Variants in SDK1 observed in about 807,000 individuals in gnomAD.
SDK1 encodes the protein sidekick cell adhesion molecule 1.
A neutral mutation model predicts 245.5 loss-of-function variants in SDK1; 157 were observed. That is an observed-to-expected ratio of 0.64 (90% confidence interval 0.56 to 0.73). The LOEUF is 0.73. Among genes scored for constraint, SDK1 ranks in the 30% least tolerant of loss-of-function variants. SDK1 has a pLI of 0.00. For synonymous variants in SDK1, 1,647 were observed against 1,278.5 expected, an observed-to-expected ratio of 1.29 and a Z score of -6.15; for missense variants, 3,583 against 3,002.3, an observed-to-expected ratio of 1.19 and a Z score of -4.52.
intron 35 of SDK1, among the ~76,000 whole-genome samples, chr7:4,197,535 A>G (rs1783654578): frequency 6.6e-6 from 1 of 152,160 alleles, no homozygotes; most frequent in African/African-American, 2.4e-5. Context: ...GAGAAAAAGA[A>G]TGGATGCTTC....
At chr7:3,800,400 G>A (rs553782291) in intron 4 of SDK1, among the ~76,000 whole-genome samples, 6 of 129,228 alleles carry the variant, frequency 4.6e-5, no homozygotes, top group African/African-American at 1.9e-4. Flanking sequence ...TTTATTTATT[G>A]AGACAGAGTC....
chr7:4,206,676 C>T (rs57890668), intron 36 of SDK1, among the ~76,000 whole-genome samples: 3,626 of 152,220 alleles, frequency 0.024, 59 homozygotes, highest in South Asian at 0.067. Flanking sequence ...CTCCACGTCC[C>T]ATCCCTGAGG....
rs1348501550 is a variant in SDK1, at chr7:3,633,672, C to T, written c.459-5332C>T. 3.9e-5 allele frequency among the ~76,000 whole-genome samples: 6 copies of T among 152,174 alleles called. No individual in the cohort carries two copies. The South Asian group carries it at 1.2e-3, about 32-fold the overall frequency. ...TAGGTTTTGCTATGACCGTGGTGAG[C>T]ACCTAGTAACTTTAGAATATATTTC... On this transcript the variant is annotated intron_variant, in intron 2 of 44. Transcript: ENST00000404826.
intron 4 of SDK1, among the ~76,000 whole-genome samples, chr7:3,776,764 G>C (rs943050205): frequency 6.6e-6 from 1 of 151,444 alleles, no homozygotes; most frequent in East Asian, 1.9e-4. Context: ...CAATAGAATA[G>C]TTTCCTGGAC....
At chr7:3,735,156 A>G (rs1256876968) in intron 4 of SDK1, among the ~76,000 whole-genome samples, 1 of 152,198 alleles carries the variant, frequency 6.6e-6, no homozygotes, top group African/African-American at 2.4e-5. Context: ...AACTTAAAAA[A>G]AAAAATTAAT....
chr7:3,810,949 A>G (rs891080991), intron 4 of SDK1, among the ~76,000 whole-genome samples: 1 of 152,186 alleles, frequency 6.6e-6, no homozygotes, highest in Non-Finnish European at 1.5e-5. Flanking sequence ...TTATGACTCT[A>G]ATGTGATAAT....
rs564709216 is a variant in SDK1 at position 4,186,877 on chromosome 7, G to A, written c.5098+8291G>A. ...CGCCCCTCCTAGCCTCCTCCTCCAC[G>A]GGCCTTCTCCAGTTCTTGCCCTGTG... On this transcript the variant is annotated intron_variant, in intron 35 of 44. Transcript: ENST00000404826. 1.3e-5 allele frequency among the ~76,000 whole-genome samples: 2 copies of A among 152,226 alleles called. 1 individual carries two copies. The highest frequency in any genetic ancestry group is 4.8e-5 in the African/African-American group (2 of 41,538).
intron 1 of SDK1, among the ~76,000 whole-genome samples, chr7:3,611,095 T>C (rs879576804): frequency 1.3e-5 from 2 of 152,188 alleles, no homozygotes; most frequent in Non-Finnish European, 2.9e-5. Context: ...TACAAGGCAG[T>C]AGTAGAGAGA....
intron 1 of SDK1, among the ~76,000 whole-genome samples, chr7:3,347,799 A>G (rs779143703): frequency 6.6e-6 from 1 of 152,216 alleles, no homozygotes; most frequent in Non-Finnish European, 1.5e-5. Flanking sequence ...AAGAGTTAAT[A>G]CAAGTTTCTT....
At chr7:4,104,859 G>A (rs977753818) in intron 22 of SDK1, among the ~76,000 whole-genome samples, 1 of 151,214 alleles carries the variant, frequency 6.6e-6, no homozygotes, top group Admixed American at 6.6e-5. Context: ...GTGCCACCAT[G>A]CCTGGCTAAT....
At chr7:3,789,340 G>A (rs1320889074) in intron 4 of SDK1, among the ~76,000 whole-genome samples, 1 of 152,106 alleles carries the variant, frequency 6.6e-6, no homozygotes, top group African/African-American at 2.4e-5. Flanking sequence ...TAGAGATAGG[G>A]CTTCTCCATG....
intron 5 of SDK1, among the ~76,000 whole-genome samples, chr7:3,933,951 G>T (rs1780069058): frequency 6.6e-6 from 1 of 152,200 alleles, no homozygotes; most frequent in Admixed American, 6.5e-5. Flanking sequence ...CTAGGGGAAG[G>T]TGTGGAAGAG....
intron 1 of SDK1, among the ~76,000 whole-genome samples, chr7:3,484,381 C>G (rs577851198): frequency 6.6e-6 from 1 of 152,102 alleles, no homozygotes; most frequent in Non-Finnish European, 1.5e-5. Flanking sequence ...ATATGAGGTT[C>G]CACAAGGCCG....
At chr7:3,468,434 T>A (rs1217038047) in intron 1 of SDK1, among the ~76,000 whole-genome samples, 1 of 152,150 alleles carries the variant, frequency 6.6e-6, no homozygotes, top group Non-Finnish European at 1.5e-5. Context: ...CCATAGAAAC[T>A]AGAATTTGTC....
chr7:4,227,163 G>A, intron 40 of SDK1: 1 of 300,412 alleles, frequency 3.3e-6, no homozygotes, highest in Non-Finnish European at 6.5e-6. Flanking sequence ...GTATTTCTCT[G>A]AAGGTTTGAC....
intron 1 of SDK1, among the ~76,000 whole-genome samples, chr7:3,339,597 T>C (rs1379023221): frequency 2.0e-5 from 3 of 152,160 alleles, no homozygotes; most frequent in Admixed American, 2.0e-4. Context: ...GGAATCAAAC[T>C]AAAAATAGTA....
rs187373282 is a variant in SDK1, at chr7:3,670,760, C to T, written c.713+28655C>T. On this transcript the variant is annotated intron_variant, in intron 4 of 44. Transcript: ENST00000404826. ...TATCCTTCTGCAGCAAAGGACCTTA[C>T]ATCCCAGCTGGCTCAGGACAGACCC... 2.1e-3 allele frequency among the ~76,000 whole-genome samples: 324 copies of T among 152,308 alleles called. 1 individual carries two copies. Among genetic ancestry groups the T allele is most frequent in the Admixed American group, 3.3e-3 (51 of 15,308 alleles).
chr7:4,241,039 G>T (rs187809720), intron 42 of SDK1, among the ~76,000 whole-genome samples: 5 of 152,226 alleles, frequency 3.3e-5, no homozygotes, highest in Admixed American at 1.3e-4. Context: ...TATGTTGTTC[G>T]GTTTTTCAGA....
intron 1 of SDK1, among the ~76,000 whole-genome samples, chr7:3,336,901 G>C (rs1199735323): frequency 1.3e-5 from 2 of 152,192 alleles, no homozygotes; most frequent in Non-Finnish European, 2.9e-5. Flanking sequence ...GTGGGTAACT[G>C]AATGTGCATA....
Sources: allele counts gnomAD v4.1 joint callset (sites outside exome capture counted in the v4.1 genomes callset), GRCh38; gene constraint gnomAD v4.1.1; transcripts MANE v1.5; gene names NCBI Gene and HGNC (gene_info 2026-07-23, HGNC 2026-07-21).